MCTP1: variants seen among roughly 807,000 people sequenced by gnomAD.
MCTP1 encodes multiple C2 and transmembrane domain-containing protein 1.
A neutral mutation model predicts 120.6 loss-of-function variants in MCTP1; 69 were observed. The ratio of observed to expected loss-of-function variants is 0.57; its 90% CI spans 0.47 to 0.70. The LOEUF is 0.70. MCTP1 is among the 30% of genes least tolerant of loss of function. The pLI, the probability that MCTP1 is intolerant of heterozygous loss-of-function variation, is 0.00. For missense variants in MCTP1, 1,203 were observed against 1,248.8 expected (o/e 0.96, Z 0.55); for synonymous variants, 529 against 493.1 (o/e 1.07, Z -0.96).
At chr5:94,770,069 T>G (rs1432749193) in intron 19 of MCTP1, among the ~76,000 whole-genome samples, 1 of 152,196 alleles carries the variant, frequency 6.6e-6, no homozygotes, top group East Asian at 1.9e-4. Context: ...TTTAAAATGG[T>G]GAAGAATTTC....
intron 1 of MCTP1, among the ~76,000 whole-genome samples, chr5:95,078,846 A>G (rs1411123600): frequency 6.6e-6 from 1 of 152,172 alleles, no homozygotes; most frequent in Non-Finnish European, 1.5e-5. Context: ...TAATAATAAT[A>G]GAACCCATAC....
intron 2 of MCTP1, among the ~76,000 whole-genome samples, chr5:94,987,117 G>A (rs561924454): frequency 1.3e-5 from 2 of 152,060 alleles, no homozygotes; most frequent in African/African-American, 4.8e-5. Context: ...TCAACCCCCA[G>A]TTGGTTGAAT....
chr5:95,236,755 A>G (rs748461754), intron 1 of MCTP1, among the ~76,000 whole-genome samples: 2 of 152,164 alleles, frequency 1.3e-5, no homozygotes, highest in African/African-American at 2.4e-5. Context: ...AAAAATGCAC[A>G]TAACACATCC....
intron 1 of MCTP1, among the ~76,000 whole-genome samples, chr5:95,040,607 T>G (rs1047757374): frequency 2.6e-5 from 4 of 152,112 alleles, no homozygotes; most frequent in Non-Finnish European, 5.9e-5. Context: ...CACCTTCCTA[T>G]CCATGTGTTT....
intron 8 of MCTP1, among the ~76,000 whole-genome samples, chr5:94,914,460 A>T (rs1221165712): frequency 6.6e-6 from 1 of 152,274 alleles, no homozygotes; most frequent in African/African-American, 2.4e-5. Flanking sequence ...TCTATTAGGA[A>T]AATGAAAACT....
At chr5:94,925,230 C>A (rs1033076702) in intron 6 of MCTP1, among the ~76,000 whole-genome samples, 1 of 152,060 alleles carries the variant, frequency 6.6e-6, no homozygotes, top group Non-Finnish European at 1.5e-5. Flanking sequence ...TAATAAGGCA[C>A]CTGGCATTAC....
At chr5:95,024,191 C>G (rs908638816) in intron 1 of MCTP1, 4 of 322,092 alleles carry the variant, frequency 1.2e-5, no homozygotes, top group Admixed American at 4.2e-5. Context: ...TGTCACAGAG[C>G]TTTCCTTGAT....
chr5:95,073,085 C>A (rs970424106), intron 1 of MCTP1, among the ~76,000 whole-genome samples: 5 of 152,116 alleles, frequency 3.3e-5, no homozygotes, highest in African/African-American at 1.2e-4. Flanking sequence ...CCACTTTGCT[C>A]CTTGTTACAG....
chr5:95,179,157 A>G (rs1346193629), intron 1 of MCTP1, among the ~76,000 whole-genome samples: 3 of 152,208 alleles, frequency 2.0e-5, no homozygotes, highest in Non-Finnish European at 4.4e-5. Context: ...AAATGAACAA[A>G]GCCTCCAAGA....
chr5:94,938,884 T>A (rs1036850153), intron 5 of MCTP1, among the ~76,000 whole-genome samples: 2 of 152,116 alleles, frequency 1.3e-5, no homozygotes, highest in African/African-American at 4.8e-5. Flanking sequence ...TTCTAGATAC[T>A]TTTTTGTAAA....
intron 17 of MCTP1, among the ~76,000 whole-genome samples, chr5:94,838,735 T>A (rs1451821124): frequency 6.6e-6 from 1 of 152,176 alleles, no homozygotes; most frequent in Non-Finnish European, 1.5e-5. Flanking sequence ...GACAAATAAA[T>A]GTATTAAATG....
At chr5:95,032,130 T>C (rs1220957611) in intron 1 of MCTP1, among the ~76,000 whole-genome samples, 1 of 151,926 alleles carries the variant, frequency 6.6e-6, no homozygotes, top group Admixed American at 6.6e-5. Flanking sequence ...TAACCAGCCA[T>C]ACAATAATAG....
chr5:94,746,036 T>A (rs1465473002), intron 19 of MCTP1, among the ~76,000 whole-genome samples: 1 of 152,218 alleles, frequency 6.6e-6, no homozygotes, highest in Non-Finnish European at 1.5e-5. Context: ...TGTCCTATGT[T>A]ATCAAGAAAG....
chr5:95,081,621 G>A (rs1189397281), intron 1 of MCTP1: 6 of 1,369,062 alleles, frequency 4.4e-6, no homozygotes, highest in Non-Finnish European at 5.7e-6. Flanking sequence ...AGCACTTGCT[G>A]CTCTGCACAG....
At chr5:95,258,639 G>A (rs1427669273) in intron 1 of MCTP1, among the ~76,000 whole-genome samples, 1 of 152,128 alleles carries the variant, frequency 6.6e-6, no homozygotes, top group African/African-American at 2.4e-5. Context: ...ACTAATAACA[G>A]GGGAAACTAG....
chr5:94,741,842 C>G (rs2152753027), intron 19 of MCTP1, among the ~76,000 whole-genome samples: 1 of 152,324 alleles, frequency 6.6e-6, no homozygotes, highest in South Asian at 2.1e-4. Flanking sequence ...CTGCTTGTGA[C>G]TTTGCATGAA....
intron 1 of MCTP1, among the ~76,000 whole-genome samples, chr5:95,223,424 G>A (rs762697021): frequency 7.9e-5 from 12 of 152,156 alleles, no homozygotes; most frequent in African/African-American, 9.6e-5. Flanking sequence ...GCACTCTAGC[G>A]TGGGCATCAG....
intron 17 of MCTP1, among the ~76,000 whole-genome samples, chr5:94,829,157 A>G (rs898028944): frequency 3.9e-5 from 6 of 152,162 alleles, no homozygotes; most frequent in Non-Finnish European, 7.4e-5. Context: ...AAAGCATAGT[A>G]TCTGGGCCAG....
At chr5:94,740,915 G>A (rs1378082971) in intron 19 of MCTP1, among the ~76,000 whole-genome samples, 1 of 152,196 alleles carries the variant, frequency 6.6e-6, no homozygotes, top group Non-Finnish European at 1.5e-5. Context: ...TCCTGGAGAA[G>A]GTGAGAACAC....
Sources: allele counts gnomAD v4.1 joint callset (sites outside exome capture counted in the v4.1 genomes callset), GRCh38; gene constraint gnomAD v4.1.1; transcripts MANE v1.5; gene names NCBI Gene and HGNC (gene_info 2026-07-23, HGNC 2026-07-21).